The following AGMAT variants were observed in gnomAD, a reference collection of about 807,000 sequenced individuals.
AGMAT encodes guanidino acid hydrolase, mitochondrial.
In AGMAT, 37 loss-of-function variants were observed where a neutral mutation model predicts 29.3. That is an observed-to-expected ratio of 1.26 (90% confidence interval 0.97 to 1.66). The LOEUF is 1.66. Among genes scored for constraint, AGMAT ranks in the 40% most tolerant of loss-of-function variants. The probability of loss-of-function intolerance (pLI) is 0.00; values close to 1 mark genes in which losing one functional copy is unlikely to be tolerated. For missense variants in AGMAT, 498 were observed against 497.8 expected (o/e 1.00, Z 0.00); for synonymous variants, 199 against 200.8 (o/e 0.99, Z 0.08).
In AGMAT at chr1:15,572,146, GAA is replaced by G. The variant is rs560322313; in HGVS notation, c.*1503_*1504del. 7.8e-5 allele frequency among the ~76,000 whole-genome samples: 5 copies of G among 63,742 alleles called. No individual in the cohort carries two copies. Among genetic ancestry groups the G allele is most frequent in the Admixed American group, 2.1e-4 (1 of 4,756 alleles). 41.8% of individuals were successfully genotyped at this position (63,742 alleles called of 152,430 possible). On this transcript the variant is annotated 3_prime_UTR_variant, in exon 7 of 7. Transcript: ENST00000375826. ...GGGGACAGAGCGAGACTCCATCTCA[GAA>G]AAAAAAAAAAAAAAAAAAGCCCAGC...
Position 15,572,087 on chromosome 1 carries a change from G to A in AGMAT, c.*1564C>T, listed in dbSNP as rs1638958718. 6.8e-6 allele frequency among the ~76,000 whole-genome samples: 1 copy of A among 146,134 alleles called. No homozygotes were observed. The highest frequency in any genetic ancestry group is 1.5e-5 in the Non-Finnish European group (1 of 67,104). ...TTGAACCCAGGAGGCGGAGATTGCAGTGAGCTAAGATCGGGCCACTGCACT... is the reference window on the plus strand; with the variant it reads ...TTGAACCCAGGAGGCGGAGATTGCAATGAGCTAAGATCGGGCCACTGCACT... On this transcript the variant is annotated 3_prime_UTR_variant, in exon 7 of 7. Coordinates refer to ENST00000375826, the MANE Select transcript of AGMAT (RefSeq NM_024758.5).
intron 5 of AGMAT, chr1:15,576,059 TG>T (rs1293406911): frequency 4.6e-5 from 7 of 151,778 alleles, no homozygotes; most frequent in Admixed American, 4.6e-4. Context: ...CCTGGCCCGT[TG>T]TATGCACTTT....
chr1:15,576,887 T>A (rs1345238534), intron 5 of AGMAT, among the ~76,000 whole-genome samples: 1 of 151,160 alleles, frequency 6.6e-6, no homozygotes, highest in Non-Finnish European at 1.5e-5. Flanking sequence ...GTAGCTGAGA[T>A]TACAGGCACC....
chr1:15,584,146 CTTT>C (rs1455677940), intron 1 of AGMAT, among the ~76,000 whole-genome samples: 1 of 152,022 alleles, frequency 6.6e-6, no homozygotes, highest in African/African-American at 2.4e-5. Flanking sequence ...AGAATCCCTT[CTTT>C]TTTCTTTTTT....
chr1:15,574,821 A>G lies in AGMAT; in HGVS notation c.921T>C (p.Gly307=). The G allele has an allele frequency of 6.2e-7, 1 of 1,613,832 alleles. No individual in the cohort carries two copies. The highest frequency in any genetic ancestry group is 8.5e-7 in the Non-Finnish European group (1 of 1,179,808). The change falls in exon 6 of 7, where the codon GGT becomes GGC. Residue 307 remains glycine, a synonymous_variant. Transcript: ENST00000375826. ...TPSQALEIIR[G]CQGLNVMGCD... ...AGCCCATCACGTTCAGGCCTTGACA[A>G]CCCCTGATGATCTCCAGAGCCTATT...
chr1:15,583,857 G>A (rs978942102), intron 1 of AGMAT, among the ~76,000 whole-genome samples: 14 of 152,162 alleles, frequency 9.2e-5, no homozygotes, highest in African/African-American at 2.4e-4. Flanking sequence ...AGATCAGTAC[G>A]GTCAGATATA....
At position 15,577,806 on chromosome 1, in the gene AGMAT, C is replaced by G. The variant is rs759604775; in HGVS notation, c.779G>C (p.Gly260Ala). The G allele has an allele frequency of 1.9e-6, 3 of 1,614,030 alleles. No individual in the cohort carries two copies. Among genetic ancestry groups the G allele is most frequent in the Admixed American group, 3.3e-5 (2 of 59,984 alleles). ...CWMKSLVPLM[G>A]EVRQQMGGKP... The stretch of plus-strand genomic sequence containing the variant: ...GCCTCCCATCTGCTGCCTGACTTCC[C>G]CCATCAGAGGAACCAGCGACTTCAT... Residue 260 changes from glycine to alanine, a missense_variant, in exon 5 of 7, where the codon GGG (glycine) becomes GCG (alanine). Physicochemically the swap from Gly to Ala is moderately conservative, Grantham distance 60. Coordinates refer to ENST00000375826, the MANE Select transcript of AGMAT (RefSeq NM_024758.5).
In AGMAT at chr1:15,584,780, G is replaced by A. The variant is rs1639162877; in HGVS notation, c.188C>T (p.Pro63Leu). 2.2e-6 allele frequency: 3 copies of A among 1,381,270 alleles called. No individual in the cohort carries two copies. The highest frequency in any genetic ancestry group is 4.1e-5 in the South Asian group (2 of 49,152). The allele number at this position is 1,381,270 out of a possible 1,614,324, so 85.6% of individuals were successfully genotyped here. A position where few individuals can be genotyped will look rare whatever the true frequency, so the allele number is the denominator to read the frequency against. The change falls in exon 1 of 7, where the codon CCG becomes CTG. Residue 63 changes from proline (P) to leucine (L), a missense_variant. By Grantham distance (98) the Pro-to-Leu change is moderately conservative (BLOSUM62 -3). Transcript: ENST00000375826. ...CAGCCCCTCGGGGGAGGTCTGCACC[G>A]GCAGGCGCATCATGGAGCAGACGCC... Reference protein sequence around the residue: ...PVGVCSMMRLPVQTSPEGLDA... With the variant: ...PVGVCSMMRLLVQTSPEGLDA...
intron 5 of AGMAT, among the ~76,000 whole-genome samples, chr1:15,577,109 T>G (rs543525131): frequency 2.0e-5 from 3 of 152,148 alleles, no homozygotes; most frequent in Non-Finnish European, 2.9e-5. Context: ...GTTGTTTTCA[T>G]GACAGATGAA....
At chr1:15,575,207 G>GAA (rs553858639) in intron 5 of AGMAT, 291 of 167,834 alleles carry the variant, frequency 1.7e-3, no homozygotes, top group African/African-American at 6.5e-3. Flanking sequence ...CCAGGCAGAG[G>GAA]GAAAAACACA....
chr1:15,575,951 C>G (rs1264272531), intron 5 of AGMAT: 1 of 151,928 alleles, frequency 6.6e-6, no homozygotes, highest in Non-Finnish European at 1.5e-5. Flanking sequence ...AAGATGGGAT[C>G]TCACTATGTT....
At chr1:15,573,886 T>G (rs1468096896) in intron 6 of AGMAT, among the ~76,000 whole-genome samples, 162 bp from the exon 7 acceptor site, 3 of 152,168 alleles carry the variant, frequency 2.0e-5, no homozygotes, top group Non-Finnish European at 4.4e-5. Flanking sequence ...TTGCCCAGGC[T>G]CTCTGCCTCC....
Position 15,573,535 on chromosome 1 carries a change from CT to C in AGMAT, c.*115del. ...CCCGACTTCACAGCCAGCAATGACA[CT>C]TTCAGCAGAAAGTTTTCTTGGCATA... On this transcript the variant is annotated 3_prime_UTR_variant, in exon 7 of 7. Transcript: ENST00000375826. 2.2e-6 allele frequency: 2 copies of C among 910,508 alleles called. No individual in the cohort carries two copies. Among genetic ancestry groups the C allele is most frequent in the Middle Eastern group, 2.5e-4 (1 of 4,012 alleles). The allele number at this position is 910,508 out of a possible 1,614,324, so 56.4% of individuals were successfully genotyped here.
rs1327456117 is a variant in AGMAT, at chr1:15,579,048, G to A, written c.531C>T (p.Gly177=). Residue 177 remains glycine (G), a synonymous_variant, in exon 4 of 7, where the codon GGC becomes GGT. Transcript: ENST00000375826. The stretch of plus-strand genomic sequence containing the variant: ...CATCCACGTGCAGCAGCCCCACTGG[G>A]CCATGCCTGATGACAACAGGGCAGC... ...PILQAMAKKH[G]PVGLLHVDAH... is the part of the protein sequence containing the mutation. 1 of 1,613,740 alleles carries A rather than the reference G, an allele frequency of 6.2e-7. No homozygotes were observed. Among genetic ancestry groups the A allele is most frequent in the Admixed American group, 1.7e-5 (1 of 59,990 alleles).
At chr1:15,579,692 C>T (rs1639086964) in intron 3 of AGMAT, among the ~76,000 whole-genome samples, 2 of 152,206 alleles carry the variant, frequency 1.3e-5, no homozygotes, top group African/African-American at 4.8e-5. Context: ...GAGAAAGGTG[C>T]CCTTTCAGGA....
rs1553149933 is a variant in AGMAT at position 15,572,376 on chromosome 1, T to TG, written c.*1274dup. Reference sequence around the variant, plus strand: ...GCTTTTTTTTTTTTTTTTTTTTTTTTGGAGACGGAGTCTCACTCTGTCACC... The same window carrying TG: ...GCTTTTTTTTTTTTTTTTTTTTTTTTGGGAGACGGAGTCTCACTCTGTCACC... On this transcript the variant is annotated 3_prime_UTR_variant, in exon 7 of 7. Transcript: ENST00000375826. 7.1e-6 allele frequency: 1 copy of TG among 141,228 alleles called. No homozygotes were observed. Among genetic ancestry groups the TG allele is most frequent in the South Asian group, 2.4e-4 (1 of 4,184 alleles). 8.7% of individuals were successfully genotyped at this position (141,228 alleles called of 1,614,324 possible). A position where few individuals can be genotyped will look rare whatever the true frequency, so the allele number is the denominator to read the frequency against.
intron 4 of AGMAT, among the ~76,000 whole-genome samples, chr1:15,578,090 A>C (rs917450275): frequency 3.9e-5 from 6 of 152,208 alleles, no homozygotes; most frequent in Non-Finnish European, 7.3e-5. Flanking sequence ...TTGCTAAAGC[A>C]AGAGTGGGAA....
rs555656937 is a variant in AGMAT at position 15,577,571 on chromosome 1, T to C, written c.900+114A>G. 4.3e-5 allele frequency: 52 copies of C among 1,202,072 alleles called. No homozygotes were observed. The Admixed American group carries it at 1.1e-3, about 27-fold the overall frequency. 74.5% of individuals were successfully genotyped at this position (1,202,072 alleles called of 1,614,324 possible). A position where few individuals can be genotyped will look rare whatever the true frequency, so the allele number is the denominator to read the frequency against. ...CTGGGCGACAGAGTGAGACTCCGTC[T>C]CAAACAAACAAACAAAAATCCTATC... On this transcript the variant is annotated intron_variant, in intron 5 of 6. Coordinates refer to ENST00000375826, the MANE Select transcript of AGMAT (RefSeq NM_024758.5).
chr1:15,571,878 A>C lies in AGMAT; in HGVS notation c.*1773T>G, dbSNP rs1352841698. 2.0e-5 allele frequency: 3 copies of C among 152,188 alleles called. No homozygotes were observed. Among genetic ancestry groups the C allele is most frequent in the African/African-American group, 7.2e-5 (3 of 41,450 alleles). 9.4% of individuals were successfully genotyped at this position (152,188 alleles called of 1,614,324 possible). On this transcript the variant is annotated 3_prime_UTR_variant, in exon 7 of 7. Transcript: ENST00000375826. Reference sequence around the variant, plus strand: ...CAGGAATTACAGTCATAGAGGGTACATCAACTTGAAGAGTAGATTGAGTCT... The same window carrying C: ...CAGGAATTACAGTCATAGAGGGTACCTCAACTTGAAGAGTAGATTGAGTCT...
Sources: allele counts gnomAD v4.1 joint callset (sites outside exome capture counted in the v4.1 genomes callset), GRCh38; gene constraint gnomAD v4.1.1; transcripts MANE v1.5; gene names NCBI Gene and HGNC (gene_info 2026-07-23, HGNC 2026-07-21).